The following TCERG1L variants were observed in gnomAD, a reference collection of about 807,000 sequenced individuals.
TCERG1L encodes transcription elongation regulator 1-like protein.
TCERG1L carries 37 observed loss-of-function variants against 56.3 expected under a neutral mutation model. The ratio of observed to expected loss-of-function variants is 0.66; its 90% CI spans 0.51 to 0.87. The LOEUF (loss-of-function observed/expected upper bound fraction) is 0.87. TCERG1L is among the 40% of genes least tolerant of loss of function. The probability of loss-of-function intolerance (pLI) is 0.00; values close to 1 mark genes in which losing one functional copy is unlikely to be tolerated. For missense variants in TCERG1L, 799 were observed against 774.2 expected (o/e 1.03, Z -0.38); for synonymous variants, 324 against 326.3 (o/e 0.99, Z 0.08).
At chr10:131,295,918 T>G (rs1299658552) in intron 3 of TCERG1L, among the ~76,000 whole-genome samples, 1 of 152,206 alleles carries the variant, frequency 6.6e-6, no homozygotes, top group East Asian at 1.9e-4. Context: ...TCTTTGTTGG[T>G]GATGTGTCTG....
intron 4 of TCERG1L, among the ~76,000 whole-genome samples, chr10:131,238,407 C>T (rs1164331309): frequency 6.6e-6 from 1 of 152,154 alleles, no homozygotes; most frequent in Non-Finnish European, 1.5e-5. Context: ...GGTCTCCCCA[C>T]GGTGCTCAGA....
intron 3 of TCERG1L, among the ~76,000 whole-genome samples, chr10:131,303,353 T>G (rs1377235224): frequency 6.6e-6 from 1 of 152,150 alleles, no homozygotes; most frequent in Non-Finnish European, 1.5e-5. Flanking sequence ...AGTGTGGTTT[T>G]GATTTGCATT....
At chr10:131,296,393 T>C (rs537385417) in intron 3 of TCERG1L, among the ~76,000 whole-genome samples, 1 of 152,358 alleles carries the variant, frequency 6.6e-6, no homozygotes, top group East Asian at 1.9e-4. Flanking sequence ...CTTTATTGAT[T>C]TTTCTTTGTA....
chr10:131,207,437 C>T (rs1845548992), intron 4 of TCERG1L, among the ~76,000 whole-genome samples: 1 of 152,224 alleles, frequency 6.6e-6, no homozygotes, highest in East Asian at 1.9e-4. Context: ...TCACTGTTTA[C>T]AGGTGACACA....
intron 4 of TCERG1L, among the ~76,000 whole-genome samples, chr10:131,228,935 G>C (rs1466385690): frequency 2.8e-4 from 26 of 94,458 alleles, no homozygotes; most frequent in Non-Finnish European, 4.7e-4. Flanking sequence ...CAAGGCCTCC[G>C]GAGTCTCCCC....
At chr10:131,122,455 T>A (rs1845523084) in intron 8 of TCERG1L, among the ~76,000 whole-genome samples, 1 of 152,186 alleles carries the variant, frequency 6.6e-6, no homozygotes, top group Admixed American at 6.5e-5. Flanking sequence ...AATTAATCAA[T>A]CATTTCTCTG....
intron 4 of TCERG1L, among the ~76,000 whole-genome samples, chr10:131,251,515 T>C (rs573480688): frequency 7.2e-5 from 11 of 152,308 alleles, no homozygotes; most frequent in Admixed American, 4.6e-4. Flanking sequence ...CTGGGCCTCC[T>C]TTCCTCTTTA....
At chr10:131,127,972 T>A (rs74754756) in intron 8 of TCERG1L, among the ~76,000 whole-genome samples, 1 of 152,088 alleles carries the variant, frequency 6.6e-6, no homozygotes, top group African/African-American at 2.4e-5. Context: ...TACCCAGACA[T>A]TGAATGACAA....
rs1845871953 is a variant in TCERG1L, at chr10:131,233,267, C to T, written c.856+26992G>A. 5.9e-5 allele frequency among the ~76,000 whole-genome samples: 9 copies of T among 152,176 alleles called. No homozygotes were observed. In the South Asian group the frequency reaches 1.9e-3, roughly 32 times the overall value. On this transcript the variant is annotated intron_variant, in intron 4 of 11. Transcript: ENST00000368642. The stretch of plus-strand genomic sequence containing the variant: ...GGAAAATGTAGTAAAATATTGAGAT[C>T]TTATTGTTGCAATTTGCTTTCTGTG...
rs548675784 is a variant in TCERG1L, at chr10:131,158,882, C to T, written c.1034+4240G>A. Among the ~76,000 whole-genome samples the T allele has an allele frequency of 3.9e-5, 6 of 152,312 alleles. No homozygotes were observed. The East Asian group carries it at 5.8e-4, about 15-fold the overall frequency. On this transcript the variant is annotated intron_variant, in intron 6 of 11. Coordinates refer to ENST00000368642, the MANE Select transcript of TCERG1L (RefSeq NM_174937.4). ...TGGCCGCGAGAGGGAGGAGAGTCAG[C>T]GGAGCCATCAGAGCTTCCTCTGCGG...
At chr10:131,158,400 C>T (rs1378840175) in intron 6 of TCERG1L, among the ~76,000 whole-genome samples, 1 of 152,224 alleles carries the variant, frequency 6.6e-6, no homozygotes, top group Non-Finnish European at 1.5e-5. Context: ...CTCAAACACT[C>T]CATTTCTTAG....
chr10:131,168,807 CCA>C (rs1213029018), intron 4 of TCERG1L, among the ~76,000 whole-genome samples: 2 of 151,398 alleles, frequency 1.3e-5, no homozygotes, highest in Non-Finnish European at 2.9e-5. Flanking sequence ...ACGAGGGTGT[CCA>C]CACAGAGTCT....
chr10:131,298,633 C>T (rs1055441215), intron 3 of TCERG1L, among the ~76,000 whole-genome samples: 5 of 152,144 alleles, frequency 3.3e-5, no homozygotes, highest in African/African-American at 9.7e-5. Context: ...AGGCTGGTCC[C>T]GAACTCCTGA....
At chr10:131,228,913 C>T (rs1845821551) in intron 4 of TCERG1L, among the ~76,000 whole-genome samples, 1 of 128,734 alleles carries the variant, frequency 7.8e-6, no homozygotes, top group Non-Finnish European at 1.6e-5. Context: ...CCCCTCCAGA[C>T]AGGCATTTCC....
At chr10:131,202,678 A>C (rs1845454913) in intron 4 of TCERG1L, among the ~76,000 whole-genome samples, 1 of 152,216 alleles carries the variant, frequency 6.6e-6, no homozygotes, top group South Asian at 2.1e-4. Context: ...AGCGGAATTC[A>C]AGTCAATAAC....
At chr10:131,236,332 G>T (rs551717254) in intron 4 of TCERG1L, among the ~76,000 whole-genome samples, 1 of 152,196 alleles carries the variant, frequency 6.6e-6, no homozygotes, top group African/African-American at 2.4e-5. Context: ...CAAACAATTC[G>T]ATTAAAACTG....
At chr10:131,300,826 A>G (rs867101452) in intron 3 of TCERG1L, among the ~76,000 whole-genome samples, 2 of 150,860 alleles carry the variant, frequency 1.3e-5, no homozygotes, top group Non-Finnish European at 1.5e-5. Context: ...TGAGATAAAT[A>G]CGGTTTACTC....
At chr10:131,147,634 C>T (rs981996771) in intron 6 of TCERG1L, among the ~76,000 whole-genome samples, 8 of 152,254 alleles carry the variant, frequency 5.3e-5, no homozygotes, top group African/African-American at 1.9e-4. Flanking sequence ...CTCTGGGCCT[C>T]GGCTTCCTGC....
chr10:131,211,328 T>C (rs1297626891), intron 4 of TCERG1L, among the ~76,000 whole-genome samples: 1 of 152,226 alleles, frequency 6.6e-6, no homozygotes, highest in African/African-American at 2.4e-5. Flanking sequence ...AGGAAGCATG[T>C]GGTGAGCTGC....
Sources: gnomAD v4.1 joint callset for allele counts (sites outside exome capture counted in the v4.1 genomes callset) on GRCh38, gnomAD v4.1.1 for gene constraint, MANE v1.5 for transcripts, NCBI Gene and HGNC (gene_info 2026-07-23, HGNC 2026-07-21) for gene names.